MYO1C: variants seen among roughly 807,000 people sequenced by gnomAD.
MYO1C encodes unconventional myosin-Ic.
A neutral mutation model predicts 150.8 loss-of-function variants in MYO1C; 104 were observed. The ratio of observed to expected loss-of-function variants is 0.69; its 90% confidence interval spans 0.59 to 0.81. The LOEUF (loss-of-function observed/expected upper bound fraction) is 0.81, where lower values mean the gene tolerates loss of function less well. MYO1C is among the 30% of genes least tolerant of loss of function. The probability of loss-of-function intolerance (pLI) is 0.00; values close to 1 mark genes in which losing one functional copy is unlikely to be tolerated. For missense variants in MYO1C, 1,504 were observed against 1,435.0 expected (o/e 1.05, Z -0.78); for synonymous variants, 663 against 579.9 (o/e 1.14, Z -2.06).
intron 7 of MYO1C, 60 bp downstream of exon 7, chr17:1,480,462 CAAAAA>C: frequency 8.1e-7 from 1 of 1,233,594 alleles, no homozygotes; most frequent in Non-Finnish European, 1.2e-6. Flanking sequence ...AAATAAAAAA[CAAAAA>C]AAAAAGGAGA....
rs753770604 is a variant in MYO1C, at chr17:1,479,561, C to T, written c.1020+31G>A. On this transcript the variant is annotated intron_variant, in intron 8 of 31. Transcript: ENST00000648651. This position sits in a 1 kb window ranked among gnomAD's most constrained non-coding sequence, Gnocchi z 4.2. ...CACCCCCAGCCCCCGCCCCCGCCGT[C>T]CTCCCGTCGCCCTCTGCCCGCCCCA... 5.2e-6 allele frequency: 7 copies of T among 1,351,858 alleles called. No homozygotes were observed. The Middle Eastern group carries it at 1.1e-3, about 217-fold the overall frequency. The allele number at this position is 1,351,858 out of a possible 1,614,324, so 83.7% of individuals were successfully genotyped here.
At chr17:1,481,087 A>G in intron 5 of MYO1C, 1 of 599,828 alleles carries the variant, frequency 1.7e-6, no homozygotes, top group Non-Finnish European at 3.0e-6. Flanking sequence ...TTCAACTCCA[A>G]CGACCTGGCT....
rs139829355 is a variant in MYO1C at position 1,472,013 on chromosome 17, C to A, written c.1915G>T (p.Glu639Ter). 1.9e-6 allele frequency: 3 copies of A among 1,613,976 alleles called. No homozygotes were observed. The highest frequency in any genetic ancestry group is 2.5e-6 in the Non-Finnish European group (3 of 1,179,968). ...NDAKQPGRFDEVLIRHQVKYL... is the reference protein window; with the variant it reads ...NDAKQPGRFD The stretch of plus-strand genomic sequence containing the variant: ...TTCACCTGGTGGCGGATCAGCACCT[C>A]GTCAAAGCGGCCTGGGGTAGGGGGA... Residue 639 changes from glutamate to a stop codon, truncating the protein, a stop_gained, in exon 19 of 32, where the codon GAG becomes TAG. Coordinates refer to ENST00000648651, the MANE Select transcript of MYO1C (RefSeq NM_001080779.2). LOFTEE classifies it high-confidence loss of function.
At chr17:1,485,816 C>CCCCCCGCACCG in intron 1 of MYO1C, 4 of 659,818 alleles carry the variant, frequency 6.1e-6, no homozygotes, top group Non-Finnish European at 7.6e-6. Context: ...CCCCGCACCG[C>CCCCCCGCACCG]CCCCACCCGG....
At chr17:1,470,023 T>C in intron 24 of MYO1C, 152 bp downstream of exon 24, 1 of 832,680 alleles carries the variant, frequency 1.2e-6, no homozygotes, top group Non-Finnish European at 1.8e-6. Context: ...TGAGACTCCA[T>C]CTCAAAAAAA....
chr17:1,480,558 G>C lies in MYO1C; in HGVS notation c.875C>G (p.Thr292Arg). The change falls in exon 7 of 32, where the codon ACA becomes AGA. Residue 292 changes from threonine to arginine, a missense_variant. Transcript: ENST00000648651. Reference sequence around the variant, plus strand: ...TTCATCCTCGGTGAAATCAATGACTGTCAGAGCCTTCCTGACGACCTTCCA... The same window carrying C: ...TTCATCCTCGGTGAAATCAATGACTCTCAGAGCCTTCCTGACGACCTTCCA... Reference protein sequence around the residue: ...SDWKVVRKALTVIDFTEDEVE... With the variant: ...SDWKVVRKALRVIDFTEDEVE... The C allele has an allele frequency of 1.2e-6, 2 of 1,614,190 alleles. No individual in the cohort carries two copies. Among genetic ancestry groups the C allele is most frequent in the South Asian group, 2.2e-5 (2 of 91,088 alleles).
rs777514075 is a variant in MYO1C at position 1,469,570 on chromosome 17, C to G, written c.2571G>C (p.Trp857Cys). The change falls in exon 25 of 32, where the codon TGG becomes TGC. Residue 857 changes from tryptophan (W) to cysteine (C), a missense_variant. Trp to Cys is a radical substitution (Grantham distance 215). Transcript: ENST00000648651. ...LRELCIKNMV[W>C]KYCRSISPEW... Reference sequence around the variant, plus strand: ...CAGGGCTGATACTCCGGCAGTATTTCCACACCATGTTCTTTATGCACAACT... The same window carrying G: ...CAGGGCTGATACTCCGGCAGTATTTGCACACCATGTTCTTTATGCACAACT... 2 of 1,613,374 alleles carry G rather than the reference C, an allele frequency of 1.2e-6. No individual in the cohort carries two copies. The highest frequency in any genetic ancestry group is 1.7e-6 in the Non-Finnish European group (2 of 1,179,800).
At chr17:1,467,714 C>T in intron 29 of MYO1C, 126 bp downstream of exon 29, 1 of 877,550 alleles carries the variant, frequency 1.1e-6, no homozygotes, top group East Asian at 2.9e-5. Context: ...TCCTGACCCC[C>T]CAATCTACCC....
chr17:1,470,251 A>G lies in MYO1C; in HGVS notation c.2450T>C (p.Leu817Ser). 1 of 1,607,298 alleles carries G rather than the reference A, an allele frequency of 6.2e-7. No individual in the cohort carries two copies. The highest frequency in any genetic ancestry group is 8.5e-7 in the Non-Finnish European group (1 of 1,177,190). Residue 817 changes from leucine (L) to serine (S), a missense_variant, in exon 24 of 32, where the codon TTG becomes TCG. Physicochemically the swap from Leu to Ser is moderately radical, Grantham distance 145. Coordinates refer to ENST00000648651, the MANE Select transcript of MYO1C (RefSeq NM_001080779.2). ...FFLDHVRTSF[L>S]LNLRRQLPQN... ...GGGCAGCTGCCGCCTCAGGTTTAGC[A>G]AAAAAGAGGTGCGCACATGGTCCAG...
chr17:1,484,073 T>C, intron 2 of MYO1C, 75 bp downstream of exon 2: 2 of 1,553,384 alleles, frequency 1.3e-6, no homozygotes, highest in Non-Finnish European at 1.8e-6. Flanking sequence ...CCGGTGACCC[T>C]TGGTGTCTCT....
Position 1,479,550 on chromosome 17 carries a change from G to GC in MYO1C, c.1020+41dup. 7 of 625,844 alleles carry GC rather than the reference G, an allele frequency of 1.1e-5. No individual in the cohort carries two copies. The highest frequency in any genetic ancestry group is 1.9e-5 in the Non-Finnish European group (7 of 375,682). The allele number at this position is 625,844 out of a possible 1,614,324, so 38.8% of individuals were successfully genotyped here. On this transcript the variant is annotated intron_variant, in intron 8 of 31. Coordinates refer to ENST00000648651, the MANE Select transcript of MYO1C (RefSeq NM_001080779.2). This position sits in a 1 kb window ranked among gnomAD's most constrained non-coding sequence, Gnocchi z 4.2. ...CGGTGAGGGTGCACCCCCAGCCCCC[G>GC]CCCCCGCCGTCCTCCCGTCGCCCTC...
chr17:1,492,141 T>G, intron 1 of MYO1C: 1 of 495,500 alleles, frequency 2.0e-6, no homozygotes, highest in Non-Finnish European at 3.7e-6. Flanking sequence ...GCACTTGCCT[T>G]TTGTGCCCAG....
chr17:1,483,446 G>C (rs1240901736), intron 3 of MYO1C, among the ~76,000 whole-genome samples, 164 bp downstream of exon 3: 1 of 152,096 alleles, frequency 6.6e-6, no homozygotes, highest in African/African-American at 2.4e-5. Flanking sequence ...ACATGGAGCT[G>C]AGTTGCGACA....
chr17:1,484,709 GCTTGGAC>G (rs2074614910), intron 1 of MYO1C: 1 of 380,632 alleles, frequency 2.6e-6, no homozygotes. Context: ...GCTCTGTTGA[GCTTGGAC>G]CAATCCCCTC....
intron 5 of MYO1C, 67 bp from the exon 6 acceptor site, chr17:1,480,952 C>T: frequency 1.9e-6 from 3 of 1,548,486 alleles, no homozygotes; most frequent in Admixed American, 3.4e-5. Flanking sequence ...TGCCCCTCTT[C>T]TCCCCTGCAC....
In MYO1C at chr17:1,465,270, G is replaced by A. The variant is rs1055522335; in HGVS notation, c.*456C>T. The A allele has an allele frequency of 1.3e-5, 2 of 154,018 alleles. No homozygotes were observed. Among genetic ancestry groups the A allele is most frequent in the African/African-American group, 4.8e-5 (2 of 41,508 alleles). 9.5% of individuals were successfully genotyped at this position (154,018 alleles called of 1,614,324 possible). A position where few individuals can be genotyped will look rare whatever the true frequency, so the allele number is the denominator to read the frequency against. ...TGCCAAGGGAATCAGGAGGAGAGGT[G>A]TCCTGGCCAGGGAAGAGGGCACCAG... On this transcript the variant is annotated 3_prime_UTR_variant, in exon 32 of 32. Transcript: ENST00000648651.
At position 1,477,646 on chromosome 17, in the gene MYO1C, G is replaced by A. The variant is rs758031088; in HGVS notation, c.1483-50C>T. ...GGACGTATGGGGGACAGGTCAGAGC[G>A]CACAGAGGATTGGGGTCACCGTGCT... On this transcript the variant is annotated intron_variant, in intron 13 of 31. Coordinates refer to ENST00000648651, the MANE Select transcript of MYO1C (RefSeq NM_001080779.2). 5.6e-5 allele frequency: 81 copies of A among 1,440,964 alleles called. No individual in the cohort carries two copies. In the South Asian group the frequency reaches 6.5e-4, roughly 12 times the overall value. 89.3% of individuals were successfully genotyped at this position (1,440,964 alleles called of 1,614,324 possible).
At chr17:1,485,432 C>T (rs542202786) in intron 1 of MYO1C, 6 of 874,066 alleles carry the variant, frequency 6.9e-6, no homozygotes, top group East Asian at 1.4e-4. Context: ...CTGCCAAATC[C>T]GGCCGCGGTC....
Position 1,468,681 on chromosome 17 carries a change from C to T in MYO1C, c.2611-185G>A, listed in dbSNP as rs2286869. The T allele has an allele frequency of 0.37, 230,858 of 616,378 alleles. 44,693 individuals carry two copies. The highest frequency in any genetic ancestry group is 0.41 in the South Asian group (21,863 of 53,244). 38.2% of individuals were successfully genotyped at this position (616,378 alleles called of 1,614,324 possible). A position where few individuals can be genotyped will look rare whatever the true frequency, so the allele number is the denominator to read the frequency against. The stretch of plus-strand genomic sequence containing the variant: ...AACCCTCCACTTCCTGACCCTCTGC[C>T]GCCACCAAGCACTCCCCAGCGGGGT... On this transcript the variant is annotated intron_variant, in intron 25 of 31. Coordinates refer to ENST00000648651, the MANE Select transcript of MYO1C (RefSeq NM_001080779.2).
Sources: gnomAD v4.1 joint callset for allele counts (sites outside exome capture counted in the v4.1 genomes callset) on GRCh38, gnomAD v4.1.1 for gene constraint, Gnocchi (gnomAD v3.1) non-coding constraint, MANE v1.5 for transcripts, NCBI Gene and HGNC (gene_info 2026-07-23, HGNC 2026-07-21) for gene names.